Variants in ANKFY1 observed in about 807,000 individuals in gnomAD.
The protein encoded by ANKFY1 is ankyrin repeat and FYVE domain-containing protein 1.
In ANKFY1, 47 loss-of-function variants were observed where a neutral mutation model predicts 128.3. The observed-to-expected ratio is 0.37, with a 90% CI of 0.29 to 0.47. ANKFY1 has a LOEUF of 0.47. ANKFY1 is among the 20% of genes least tolerant of loss of function. ANKFY1 has a pLI of 1.00. For missense variants in ANKFY1, 1,222 were observed against 1,510.6 expected (o/e 0.81, Z 3.17); for synonymous variants, 553 against 601.6 (o/e 0.92, Z 1.18).
Position 4,169,275 on chromosome 17 carries a change from C to T in ANKFY1, c.3300G>A (p.Lys1100=). The T allele has an allele frequency of 6.5e-7, 1 of 1,550,336 alleles. No homozygotes were observed. The highest frequency in any genetic ancestry group is 8.7e-7 in the Non-Finnish European group (1 of 1,146,808). Residue 1100 remains lysine (K), a synonymous_variant, in exon 24 of 25, where the codon AAG becomes AAA. Coordinates refer to ENST00000341657, the MANE Select transcript of ANKFY1 (RefSeq NM_001330063.2). The surrounding 1 kb of genome is among the most constrained non-coding windows in gnomAD (Gnocchi z 5.0). ...LLFRLLDMLS[K]EPPWCDGSYC... ...AGGAGCCGTCACACCACGGAGGCTC[C>T]TTGGACAGCATATCTGCAACACAGG...
intron 8 of ANKFY1, 148 bp from the exon 9 acceptor site, chr17:4,195,619 A>G: frequency 1.5e-6 from 1 of 689,484 alleles, no homozygotes; most frequent in Admixed American, 2.4e-5. Flanking sequence ...ACCCAGTATC[A>G]AAACCTGAAA....
chr17:4,216,742 C>T lies in ANKFY1; in HGVS notation c.458+241G>A, dbSNP rs146413284. 1.7e-4 allele frequency: 90 copies of T among 534,242 alleles called. 1 individual carries two copies. Among genetic ancestry groups the T allele is most frequent in the Middle Eastern group, 4.5e-4 (1 of 2,226 alleles). 33.1% of individuals were successfully genotyped at this position (534,242 alleles called of 1,614,324 possible). On this transcript the variant is annotated intron_variant, in intron 4 of 24. Coordinates refer to ENST00000341657, the MANE Select transcript of ANKFY1 (RefSeq NM_001330063.2). Reference sequence around the variant, plus strand: ...TTCATATTTAATTTTTCAGTTTATACGATTATGTAATTTCAGGTAACAGAC... The same window carrying T: ...TTCATATTTAATTTTTCAGTTTATATGATTATGTAATTTCAGGTAACAGAC...
At chr17:4,259,076 C>T (rs1220400730) in intron 1 of ANKFY1, among the ~76,000 whole-genome samples, 1 of 152,118 alleles carries the variant, frequency 6.6e-6, no homozygotes, top group Admixed American at 6.6e-5. Context: ...GTGGAAGAAA[C>T]ATTAGGCGCT....
Position 4,170,783 on chromosome 17 carries a change from T to C in ANKFY1, c.3218A>G (p.Asn1073Ser). 1.2e-6 allele frequency: 2 copies of C among 1,614,158 alleles called. No homozygotes were observed. The highest frequency in any genetic ancestry group is 2.2e-5 in the East Asian group (1 of 44,884). Residue 1073 changes from asparagine (N) to serine (S), a missense_variant, in exon 23 of 25, where the codon AAT becomes AGT. Coordinates refer to ENST00000341657, the MANE Select transcript of ANKFY1 (RefSeq NM_001330063.2). ...GAAGATGTTGACTCCCTGGTTGTTA[T>C]TCACCCCGAGGCGAGCCCCCGACCG... ...IVRSGARLGV[N>S]NNQGVNIFNY...
rs760472843 is a variant in ANKFY1, at chr17:4,208,097, C to G, written c.583-15G>C. The G allele has an allele frequency of 1.3e-6, 2 of 1,593,148 alleles. No homozygotes were observed. Among genetic ancestry groups the G allele is most frequent in the East Asian group, 4.6e-5 (2 of 43,934 alleles). ...CTCAGGTCGTCCTGAGAATTCACAA[C>G]ACAGTGAAAAGCAGAACAGACACAA... On this transcript the variant is annotated splice_polypyrimidine_tract_variant and intron_variant, in intron 5 of 24. Transcript: ENST00000341657.
Position 4,195,110 on chromosome 17 carries a change from C to T in ANKFY1, c.1240G>A (p.Val414Met), listed in dbSNP as rs375243365. ...GGGTTCACAGACTGGTCAGAAGACACTGTGATATGCTGCACTGCCAGCCAC... is the reference window on the plus strand; with the variant it reads ...GGGTTCACAGACTGGTCAGAAGACATTGTGATATGCTGCACTGCCAGCCAC... Reference protein sequence around the residue: ...ALWLAVQHITVSSDQSVNPFE... With the variant: ...ALWLAVQHITMSSDQSVNPFE... The change falls in exon 10 of 25, where the codon GTG becomes ATG. Residue 414 changes from valine (V) to methionine (M), a missense_variant. Coordinates refer to ENST00000341657, the MANE Select transcript of ANKFY1 (RefSeq NM_001330063.2). The T allele has an allele frequency of 1.9e-5, 30 of 1,614,054 alleles. No individual in the cohort carries two copies. The African/African-American group carries it at 4.0e-4, about 22-fold the overall frequency.
chr17:4,242,995 A>T (rs892299963), intron 1 of ANKFY1, among the ~76,000 whole-genome samples: 1 of 152,064 alleles, frequency 6.6e-6, no homozygotes, highest in Admixed American at 6.6e-5. Flanking sequence ...CAATTTCCTA[A>T]TTTTCACATG....
At chr17:4,192,384 T>C (rs547530320) in intron 10 of ANKFY1, among the ~76,000 whole-genome samples, 2 of 151,886 alleles carry the variant, frequency 1.3e-5, no homozygotes, top group Admixed American at 6.5e-5. Flanking sequence ...AGACTCCTAG[T>C]TGATGGCTGC....
intron 2 of ANKFY1, among the ~76,000 whole-genome samples, chr17:4,240,051 G>T (rs1967122299): frequency 6.8e-6 from 1 of 146,078 alleles, no homozygotes; most frequent in Non-Finnish European, 1.5e-5. Flanking sequence ...TCACCTAGAT[G>T]ACATTAGCAT....
chr17:4,183,115 A>C (rs966775431), intron 14 of ANKFY1, among the ~76,000 whole-genome samples: 2 of 152,190 alleles, frequency 1.3e-5, no homozygotes, highest in African/African-American at 4.8e-5. Context: ...CAAAGGAAAA[A>C]AAACCTGGAT....
intron 2 of ANKFY1, among the ~76,000 whole-genome samples, chr17:4,241,073 G>A (rs779273097): frequency 2.0e-5 from 3 of 152,068 alleles, no homozygotes; most frequent in Non-Finnish European, 4.4e-5. Context: ...AAAGAAAAAC[G>A]ACAGCTAACA....
chr17:4,176,144 C>T (rs1177279248), intron 19 of ANKFY1, among the ~76,000 whole-genome samples: 1 of 152,242 alleles, frequency 6.6e-6, no homozygotes, highest in East Asian at 1.9e-4. Context: ...ACGGCCTCCG[C>T]TCGGTCTCGT....
In ANKFY1 at chr17:4,178,823, A is replaced by G. The variant is rs1167158425; in HGVS notation, c.2598+34T>C. On this transcript the variant is annotated intron_variant, in intron 18 of 24. Transcript: ENST00000341657. This position sits in a 1 kb window ranked among gnomAD's most constrained non-coding sequence, Gnocchi z 4.1. ...GTCTCCAGGTTCCGCGACGCCCAGG[A>G]CCATGTGGAGAAGGTCAGGTGTTAT... The G allele has an allele frequency of 1.9e-6, 3 of 1,605,560 alleles. No homozygotes were observed. The highest frequency in any genetic ancestry group is 1.3e-5 in the African/African-American group (1 of 74,738).
intron 10 of ANKFY1, among the ~76,000 whole-genome samples, chr17:4,190,099 C>T (rs1269944046): frequency 6.6e-6 from 1 of 152,150 alleles, no homozygotes; most frequent in African/African-American, 2.4e-5. Context: ...GTTCTGCACA[C>T]TGTACAATGT....
chr17:4,171,048 A>G (rs1402122606), intron 22 of ANKFY1, among the ~76,000 whole-genome samples, 187 bp from the exon 23 acceptor site: 1 of 152,190 alleles, frequency 6.6e-6, no homozygotes, highest in Non-Finnish European at 1.5e-5. Flanking sequence ...GCATCTTCCA[A>G]TAAAGGATGT....
intron 2 of ANKFY1, among the ~76,000 whole-genome samples, chr17:4,240,297 C>G (rs943969804): frequency 4.0e-5 from 6 of 151,896 alleles, no homozygotes; most frequent in Non-Finnish European, 7.4e-5. Context: ...AACTCCTGAC[C>G]TCAGGTGACC....
chr17:4,236,007 A>G (rs1351735275), intron 2 of ANKFY1, 117 bp from the exon 3 acceptor site: 5 of 697,874 alleles, frequency 7.2e-6, no homozygotes, highest in African/African-American at 7.1e-5. Context: ...AAAAGAAAAA[A>G]TTACAGCGAA....
At chr17:4,228,803 T>G (rs915151554) in intron 3 of ANKFY1, among the ~76,000 whole-genome samples, 1 of 152,182 alleles carries the variant, frequency 6.6e-6, no homozygotes, top group African/African-American at 2.4e-5. Context: ...ACTTTTAATG[T>G]GGGCAGTTTA....
At position 4,183,309 on chromosome 17, in the gene ANKFY1, A is replaced by G. The variant is rs2059548947; in HGVS notation, c.1952+89T>C. ...TCCTTTCCTCTAACTAATATGAAAC[A>G]AAAACACTTTTCTACAAGCGAGGCT... On this transcript the variant is annotated intron_variant, in intron 14 of 24. Transcript: ENST00000341657. 2.0e-6 allele frequency: 3 copies of G among 1,514,726 alleles called. No individual in the cohort carries two copies. The South Asian group carries it at 3.6e-5, about 18-fold the overall frequency. 93.8% of individuals were successfully genotyped at this position (1,514,726 alleles called of 1,614,324 possible). A position where few individuals can be genotyped will look rare whatever the true frequency, so the allele number is the denominator to read the frequency against.
Sources: gnomAD v4.1 joint callset for allele counts (sites outside exome capture counted in the v4.1 genomes callset) on GRCh38, gnomAD v4.1.1 for gene constraint, Gnocchi (gnomAD v3.1) non-coding constraint, MANE v1.5 for transcripts, NCBI Gene and HGNC (gene_info 2026-07-23, HGNC 2026-07-21) for gene names.